The following QTMAN variants were observed in gnomAD, a reference collection of about 807,000 sequenced individuals.
QTMAN encodes the protein queuosine-tRNA mannosyltransferase.
the QTMAN span, among the ~76,000 whole-genome samples, chr2:144,054,044 C>T: frequency 4.6e-5 from 7 of 151,902 alleles, no homozygotes; most frequent in Non-Finnish European, 8.8e-5. Flanking sequence ...AAAAATTAGC[C>T]GGGCGGGGTG....
At chr2:144,173,981 C>G in the QTMAN span, among the ~76,000 whole-genome samples, 13,289 of 152,202 alleles carry the variant, frequency 0.087, 1,218 homozygotes, top group African/African-American at 0.23. Flanking sequence ...AAGTCCCTCA[C>G]CAGAAGCAGA....
chr2:144,042,796 A>C, the QTMAN span, among the ~76,000 whole-genome samples: 1 of 151,940 alleles, frequency 6.6e-6, no homozygotes, highest in African/African-American at 2.4e-5. Flanking sequence ...AATACAAATA[A>C]ATAAACAATG....
At chr2:144,062,436 T>G in the QTMAN span, among the ~76,000 whole-genome samples, 1 of 152,218 alleles carries the variant, frequency 6.6e-6, no homozygotes, top group Non-Finnish European at 1.5e-5. Flanking sequence ...ACCCAGGCAG[T>G]GTGACTCTAG....
At chr2:144,173,168 A>C in the QTMAN span, among the ~76,000 whole-genome samples, 1 of 152,078 alleles carries the variant, frequency 6.6e-6, no homozygotes. Flanking sequence ...TATTTTAAAA[A>C]ATCCAGCTGT....
At chr2:144,240,235 T>C in the QTMAN span, among the ~76,000 whole-genome samples, 1 of 152,206 alleles carries the variant, frequency 6.6e-6, no homozygotes, top group African/African-American at 2.4e-5. Flanking sequence ...AAAGGGGTGA[T>C]AGGCAATGAT....
At chr2:144,182,825 T>G in the QTMAN span, among the ~76,000 whole-genome samples, 1 of 69,334 alleles carries the variant, frequency 1.4e-5, no homozygotes, top group Non-Finnish European at 2.5e-5. Context: ...ATATTATATA[T>G]ATAATATATA....
chr2:144,233,511 A>C, the QTMAN span, among the ~76,000 whole-genome samples: 1 of 152,186 alleles, frequency 6.6e-6, no homozygotes, highest in South Asian at 2.1e-4. Context: ...TCCTTCGGTG[A>C]TGCTGTGAGG....
At chr2:144,332,868 G>A in the QTMAN span, among the ~76,000 whole-genome samples, 1 of 152,088 alleles carries the variant, frequency 6.6e-6, no homozygotes, top group Non-Finnish European at 1.5e-5. Context: ...TTCTAAGCTC[G>A]CATAGTCACC....
chr2:144,076,164 T>C, the QTMAN span, among the ~76,000 whole-genome samples: 1 of 152,112 alleles, frequency 6.6e-6, no homozygotes, highest in South Asian at 2.1e-4. Flanking sequence ...GGAGAATCGC[T>C]TGAACCTGGG....
At chr2:143,992,455 C>G in the QTMAN span, among the ~76,000 whole-genome samples, 8 of 148,060 alleles carry the variant, frequency 5.4e-5, no homozygotes, top group South Asian at 2.2e-4. Context: ...ACTTGTTTAT[C>G]TGCTGACCTT....
chr2:144,045,675 A>T, the QTMAN span, among the ~76,000 whole-genome samples: 1 of 152,220 alleles, frequency 6.6e-6, no homozygotes, highest in South Asian at 2.1e-4. Flanking sequence ...GCTTTCATTT[A>T]TAAGTATTAG....
At chr2:144,041,940 GGA>G in the QTMAN span, among the ~76,000 whole-genome samples, 1 of 152,140 alleles carries the variant, frequency 6.6e-6, no homozygotes, top group African/African-American at 2.4e-5. Context: ...GTGTATATGT[GGA>G]GAGGGGACAA....
chr2:144,195,732 A>T, the QTMAN span, among the ~76,000 whole-genome samples: 1 of 152,200 alleles, frequency 6.6e-6, no homozygotes, highest in Admixed American at 6.6e-5. Flanking sequence ...ATTAAACAGG[A>T]TTCAAATTTC....
chr2:144,193,637 C>T, the QTMAN span, among the ~76,000 whole-genome samples: 1 of 151,934 alleles, frequency 6.6e-6, no homozygotes, highest in Admixed American at 6.6e-5. Flanking sequence ...CGTCCCACCA[C>T]AGCCTCCCAA....
At chr2:143,992,494 A>C in the QTMAN span, among the ~76,000 whole-genome samples, 2 of 151,004 alleles carry the variant, frequency 1.3e-5, no homozygotes, top group Non-Finnish European at 2.9e-5. Flanking sequence ...TGACCCTGCC[A>C]AATCCCCCTC....
At chr2:144,196,978 T>C in the QTMAN span, among the ~76,000 whole-genome samples, 1 of 152,190 alleles carries the variant, frequency 6.6e-6, no homozygotes, top group South Asian at 2.1e-4. Flanking sequence ...TTGATGATGA[T>C]ACCTTCTGAG....
At chr2:144,272,193 A>AG in the QTMAN span, among the ~76,000 whole-genome samples, 1 of 152,166 alleles carries the variant, frequency 6.6e-6, no homozygotes, top group Non-Finnish European at 1.5e-5. Flanking sequence ...TTGTCACAAT[A>AG]GGGGGAAAAA....
chr2:143,991,099 GA>G, the QTMAN span, among the ~76,000 whole-genome samples: 46 of 151,784 alleles, frequency 3.0e-4, 1 homozygote, highest in South Asian at 4.1e-4. Flanking sequence ...TGAAAAATAT[GA>G]AAAAAAGCTT....
At chr2:144,255,916 G>A in the QTMAN span, among the ~76,000 whole-genome samples, 1 of 152,162 alleles carries the variant, frequency 6.6e-6, no homozygotes, top group East Asian at 1.9e-4. Flanking sequence ...GGGTGGGGGA[G>A]GTTGATGGTT....
Sources: gnomAD v4.1 joint callset for allele counts (sites outside exome capture counted in the v4.1 genomes callset) on GRCh38, gnomAD v4.1.1 for gene constraint, MANE v1.5 for transcripts, NCBI Gene and HGNC (gene_info 2026-07-23, HGNC 2026-07-21) for gene names.